Variants in MTR observed in about 807,000 individuals in gnomAD.
The protein encoded by MTR is methionine synthase.
Under a neutral mutation model 154.8 loss-of-function variants are expected in MTR, and 84 were observed. The ratio of observed to expected loss-of-function variants is 0.54; its 90% CI spans 0.45 to 0.65. MTR has a LOEUF of 0.65. MTR is among the 30% of genes least tolerant of loss of function. MTR has a pLI of 0.00. For missense variants in MTR, 1,275 were observed against 1,570.2 expected (o/e 0.81, Z 3.18); for synonymous variants, 554 against 553.9 (o/e 1.00, Z 0.00).
chr1:236,795,539 G>C lies in MTR; in HGVS notation c.-165G>C, dbSNP rs1408573565. 1.3e-6 allele frequency: 2 copies of C among 1,533,756 alleles called. No homozygotes were observed. Among genetic ancestry groups the C allele is most frequent in the Non-Finnish European group, 1.7e-6 (2 of 1,144,630 alleles). ...GCCCTAGGGCGCTGCGGGCTTTCGG[G>C]GTCCGCAGTCCCCCCGCGACGCGAG... On this transcript the variant is annotated 5_prime_UTR_variant, in exon 1 of 33. Coordinates refer to ENST00000366577, the MANE Select transcript of MTR (RefSeq NM_000254.3).
chr1:236,796,968 A>G (rs992415243), intron 1 of MTR, among the ~76,000 whole-genome samples: 9 of 152,122 alleles, frequency 5.9e-5, no homozygotes, highest in African/African-American at 2.2e-4. Context: ...TGTCATTATC[A>G]GGAGCAAAAT....
chr1:236,861,341 G>A (rs376473452), intron 20 of MTR, 64 bp downstream of exon 20: 15 of 1,604,356 alleles, frequency 9.3e-6, no homozygotes, highest in Middle Eastern at 1.7e-4. Flanking sequence ...AATAAATGGC[G>A]ATTTGGGATA....
rs1311539142 is a variant in MTR at position 236,897,843 on chromosome 1, T to G, written c.*199T>G. ...AGTGCCTGGAAAACAGGCGCTGTTT[T>G]TTTGGGACCTTGCGTGAAGAGCAGT... On this transcript the variant is annotated 3_prime_UTR_variant, in exon 33 of 33. Coordinates refer to ENST00000366577, the MANE Select transcript of MTR (RefSeq NM_000254.3). The G allele has an allele frequency of 1.0e-5, 6 of 599,770 alleles. No homozygotes were observed. The highest frequency in any genetic ancestry group is 3.7e-5 in the African/African-American group (2 of 53,704). 37.2% of individuals were successfully genotyped at this position (599,770 alleles called of 1,614,324 possible).
chr1:236,897,179 C>T, intron 32 of MTR, 61 bp downstream of exon 32: 1 of 1,247,118 alleles, frequency 8.0e-7, no homozygotes, highest in Non-Finnish European at 1.2e-6. Context: ...TAGAACCTCT[C>T]TCATTTTAAA....
At chr1:236,820,535 G>T in intron 8 of MTR, 1 of 760,114 alleles carries the variant, frequency 1.3e-6, no homozygotes, top group Non-Finnish European at 2.3e-6. Context: ...TTCTTACCTG[G>T]GCTGTTAAGT....
In MTR at chr1:236,897,723, A is replaced by G; in HGVS notation, c.*79A>G. 2 of 1,287,682 alleles carry G rather than the reference A, an allele frequency of 1.6e-6. No individual in the cohort carries two copies. Among genetic ancestry groups the G allele is most frequent in the Non-Finnish European group, 2.2e-6 (2 of 893,690 alleles). The allele number at this position is 1,287,682 out of a possible 1,614,324, so 79.8% of individuals were successfully genotyped here. A position where few individuals can be genotyped will look rare whatever the true frequency, so the allele number is the denominator to read the frequency against. On this transcript the variant is annotated 3_prime_UTR_variant, in exon 33 of 33. Transcript: ENST00000366577. ...CCTAGGGTGCCTTAAAAATAACAAC[A>G]ACAAAAAACCTGTGTGCATCTGGCT...
intron 18 of MTR, among the ~76,000 whole-genome samples, chr1:236,856,695 C>G (rs182439039): frequency 6.6e-6 from 1 of 152,030 alleles, no homozygotes; most frequent in Admixed American, 6.6e-5. Context: ...CCCAACCCCC[C>G]GACAGGCCCT....
At chr1:236,796,268 C>G (rs1660383132) in intron 1 of MTR, among the ~76,000 whole-genome samples, 1 of 152,190 alleles carries the variant, frequency 6.6e-6, no homozygotes, top group Admixed American at 6.5e-5. Flanking sequence ...AATAGATGAG[C>G]AGACCCCACC....
chr1:236,823,818 T>TTTTTTTTTTTTTTTTTTTTTTTG (rs1662123592), intron 8 of MTR, among the ~76,000 whole-genome samples: 1 of 137,634 alleles, frequency 7.3e-6, no homozygotes, highest in African/African-American at 2.7e-5. Context: ...TTTTTTTTTT[T>TTTTTTTTTTTTTTTTTTTTTTTG]TTTTTTTTTT....
At chr1:236,886,267 CTAAT>C in intron 26 of MTR, 21 bp from the exon 27 acceptor site, 8 of 1,604,286 alleles carry the variant, frequency 5.0e-6, no homozygotes, top group Non-Finnish European at 6.8e-6. Context: ...GAGTGTCTAA[CTAAT>C]TTTTCTTTGT....
intron 1 of MTR, among the ~76,000 whole-genome samples, chr1:236,797,951 T>A (rs1352349844): frequency 2.1e-5 from 3 of 142,210 alleles, no homozygotes; most frequent in Admixed American, 6.9e-5. Flanking sequence ...GAGTGAGACT[T>A]AGTCTCCAAA....
chr1:236,897,479 T>C (rs1035404360), intron 32 of MTR, 79 bp from the exon 33 acceptor site: 2 of 1,327,854 alleles, frequency 1.5e-6, no homozygotes, highest in Non-Finnish European at 2.2e-6. Flanking sequence ...ACTTAATGTT[T>C]CTTGGCAAAT....
intron 8 of MTR, chr1:236,820,625 C>T (rs1161762325): frequency 1.9e-6 from 1 of 538,916 alleles, no homozygotes. Context: ...ACATTCATGG[C>T]AGGTTTTTGT....
chr1:236,896,889 A>G, intron 31 of MTR, 117 bp from the exon 32 acceptor site: 2 of 796,698 alleles, frequency 2.5e-6, no homozygotes, highest in Non-Finnish European at 4.5e-6. Flanking sequence ...TCTACCTAGA[A>G]GGCATGAGCT....
chr1:236,812,733 T>A lies in MTR; in HGVS notation c.503-5T>A, dbSNP rs747550287. The A allele has an allele frequency of 1.2e-6, 2 of 1,613,248 alleles. No homozygotes were observed. Among genetic ancestry groups the A allele is most frequent in the Non-Finnish European group, 1.7e-6 (2 of 1,179,196 alleles). Reference sequence around the variant, plus strand: ...GATGTGCTGGGTGTGATTTATTTTTTGCAGCATTTGATGAGCTTGTTGAAG... The same window carrying A: ...GATGTGCTGGGTGTGATTTATTTTTAGCAGCATTTGATGAGCTTGTTGAAG... On this transcript the variant is annotated splice_polypyrimidine_tract_variant and splice_region_variant and intron_variant, in intron 5 of 32. Coordinates refer to ENST00000366577, the MANE Select transcript of MTR (RefSeq NM_000254.3).
intron 29 of MTR, among the ~76,000 whole-genome samples, chr1:236,892,951 A>C (rs911922039): frequency 6.6e-6 from 1 of 152,156 alleles, no homozygotes; most frequent in Non-Finnish European, 1.5e-5. Flanking sequence ...GGAGAGGGGA[A>C]CTGGGCCAGG....
intron 12 of MTR, among the ~76,000 whole-genome samples, chr1:236,829,901 C>T (rs1662511675): frequency 6.6e-6 from 1 of 152,102 alleles, no homozygotes; most frequent in South Asian, 2.1e-4. Context: ...TCAGTATGTT[C>T]ATGATGTATT....
At chr1:236,880,981 C>A in intron 25 of MTR, 145 bp downstream of exon 25, 1 of 817,472 alleles carries the variant, frequency 1.2e-6, no homozygotes, top group Non-Finnish European at 2.1e-6. Flanking sequence ...TGTGCCTCTG[C>A]AGTGACTGCC....
At chr1:236,862,149 C>T (rs1558319171) in intron 20 of MTR, 87 bp from the exon 21 acceptor site, 1 of 1,079,338 alleles carries the variant, frequency 9.3e-7, no homozygotes, top group African/African-American at 1.6e-5. Flanking sequence ...GCATGCATTC[C>T]TAATGTGTGC....
Sources: allele counts gnomAD v4.1 joint callset (sites outside exome capture counted in the v4.1 genomes callset), GRCh38; gene constraint gnomAD v4.1.1; transcripts MANE v1.5; gene names NCBI Gene and HGNC (gene_info 2026-07-23, HGNC 2026-07-21).